The following PTPRD variants were observed in gnomAD, a reference collection of about 807,000 sequenced individuals.
PTPRD encodes the protein receptor-type tyrosine-protein phosphatase delta.
A neutral mutation model predicts 214.5 loss-of-function variants in PTPRD; 34 were observed. That is an observed-to-expected ratio of 0.16 (90% CI 0.12 to 0.21). The LOEUF (loss-of-function observed/expected upper bound fraction) is 0.21, where lower values mean the gene tolerates loss of function less well. Ranked by LOEUF, PTPRD falls within the 10% of genes least tolerant of loss-of-function variation. The pLI is 1.00. For missense variants in PTPRD, 2,545 were observed against 2,398.7 expected, an observed-to-expected ratio of 1.06 and a Z score of -1.27; for synonymous variants, 1,128 against 845.7, an observed-to-expected ratio of 1.33 and a Z score of -5.79.
chr9:10,524,108 CTCTT>C (rs1166305062), intron 2 of PTPRD, among the ~76,000 whole-genome samples: 1 of 151,994 alleles, frequency 6.6e-6, no homozygotes, highest in African/African-American at 2.4e-5. Flanking sequence ...CCCACACTCT[CTCTT>C]TCTTCCTCTT....
intron 4 of PTPRD, among the ~76,000 whole-genome samples, chr9:10,024,781 TC>T (rs1297781868): frequency 1.6e-4 from 10 of 61,736 alleles, no homozygotes; most frequent in East Asian, 1.1e-3. Context: ...CCCTCCCCCC[TC>T]CCCCCACCCC....
intron 11 of PTPRD, among the ~76,000 whole-genome samples, chr9:8,853,427 G>T (rs923503125): frequency 6.6e-6 from 1 of 152,050 alleles, no homozygotes; most frequent in Non-Finnish European, 1.5e-5. Flanking sequence ...TTTAAAAAAG[G>T]GAGAGAATTT....
At chr9:9,992,930 C>T (rs914898216) in intron 4 of PTPRD, among the ~76,000 whole-genome samples, 1 of 151,340 alleles carries the variant, frequency 6.6e-6, no homozygotes, top group Non-Finnish European at 1.5e-5. Context: ...GCACATGTAC[C>T]CTAGAACTTA....
intron 4 of PTPRD, among the ~76,000 whole-genome samples, chr9:10,010,325 G>A (rs1005409449): frequency 6.7e-6 from 1 of 148,252 alleles, no homozygotes; most frequent in African/African-American, 2.4e-5. Context: ...TAAGCAAGAT[G>A]TCTACAATTG....
intron 11 of PTPRD, among the ~76,000 whole-genome samples, chr9:9,011,043 C>A (rs1178829522): frequency 6.6e-6 from 1 of 152,030 alleles, no homozygotes; most frequent in Non-Finnish European, 1.5e-5. Flanking sequence ...ATTTAGATTG[C>A]CCTAGTTAAA....
At chr9:8,736,543 A>G (rs1002298261) in intron 11 of PTPRD, among the ~76,000 whole-genome samples, 1 of 152,230 alleles carries the variant, frequency 6.6e-6, no homozygotes, top group Non-Finnish European at 1.5e-5. Flanking sequence ...TATAATGCAG[A>G]TACCATAGTA....
intron 2 of PTPRD, among the ~76,000 whole-genome samples, chr9:10,601,304 A>C (rs949278165): frequency 6.6e-6 from 1 of 151,682 alleles, no homozygotes; most frequent in Non-Finnish European, 1.5e-5. Context: ...TGATTTAAAA[A>C]AAAAATGTTG....
chr9:8,455,581 G>A (rs927824869), intron 33 of PTPRD, among the ~76,000 whole-genome samples: 8 of 152,106 alleles, frequency 5.3e-5, no homozygotes, highest in Admixed American at 5.2e-4. Flanking sequence ...ATCTGGCCCT[G>A]TGAGATAATT....
intron 10 of PTPRD, among the ~76,000 whole-genome samples, chr9:9,169,526 C>A (rs1200748155): frequency 6.6e-6 from 1 of 152,086 alleles, no homozygotes; most frequent in Non-Finnish European, 1.5e-5. Context: ...ATGAGGTAGG[C>A]CCTGGCTATA....
intron 3 of PTPRD, among the ~76,000 whole-genome samples, chr9:10,037,111 G>A (rs142794952): frequency 3.3e-5 from 5 of 150,716 alleles, no homozygotes; most frequent in Admixed American, 6.6e-5. Flanking sequence ...GAATGGTCTC[G>A]GACTCCTGGA....
intron 14 of PTPRD, among the ~76,000 whole-genome samples, chr9:8,550,132 G>A (rs992174269): frequency 1.2e-4 from 18 of 152,042 alleles, no homozygotes; most frequent in African/African-American, 3.4e-4. Context: ...AAAATTTAGG[G>A]TCCAATTTAT....
chr9:8,520,462 G>A (rs2097865022), intron 20 of PTPRD, among the ~76,000 whole-genome samples: 1 of 152,132 alleles, frequency 6.6e-6, no homozygotes, highest in South Asian at 2.1e-4. Context: ...ACTTGCTGCT[G>A]AATTCCAAAT....
chr9:9,791,543 C>A (rs533224494), intron 5 of PTPRD, among the ~76,000 whole-genome samples: 1 of 152,090 alleles, frequency 6.6e-6, no homozygotes, highest in South Asian at 2.1e-4. Context: ...TGATAAGTTT[C>A]TCTATCAAGC....
intron 5 of PTPRD, among the ~76,000 whole-genome samples, chr9:9,926,372 T>A (rs2084310311): frequency 6.6e-6 from 1 of 152,126 alleles, no homozygotes; most frequent in African/African-American, 2.4e-5. Flanking sequence ...AATTTTTAGT[T>A]GTATTTGCCC....
chr9:9,123,608 T>A (rs1165509433), intron 10 of PTPRD, among the ~76,000 whole-genome samples: 1 of 152,140 alleles, frequency 6.6e-6, no homozygotes, highest in African/African-American at 2.4e-5. Context: ...GCCCATAGAC[T>A]GATAAAAACT....
chr9:9,518,642 A>G (rs1179519757), intron 8 of PTPRD, among the ~76,000 whole-genome samples: 2 of 152,080 alleles, frequency 1.3e-5, no homozygotes, highest in African/African-American at 4.8e-5. Flanking sequence ...AGGGCATTAA[A>G]TATTTTCCTC....
At chr9:9,338,575 T>G (rs1477117977) in intron 9 of PTPRD, among the ~76,000 whole-genome samples, 1 of 152,152 alleles carries the variant, frequency 6.6e-6, no homozygotes, top group Non-Finnish European at 1.5e-5. Flanking sequence ...ACCTAAAAAT[T>G]CCCAGCTAAA....
intron 7 of PTPRD, among the ~76,000 whole-genome samples, chr9:9,604,415 T>C (rs1399762321): frequency 6.6e-6 from 1 of 152,090 alleles, no homozygotes; most frequent in Admixed American, 6.6e-5. Flanking sequence ...AATTTATACA[T>C]AAAATAAGAG....
intron 11 of PTPRD, among the ~76,000 whole-genome samples, chr9:8,765,558 A>G (rs1408963606): frequency 1.3e-5 from 2 of 152,190 alleles, no homozygotes; most frequent in Admixed American, 1.3e-4. Flanking sequence ...CTACAAGCCA[A>G]TATTCCCCCA....
Sources: gnomAD v4.1 joint callset for allele counts (sites outside exome capture counted in the v4.1 genomes callset) on GRCh38, gnomAD v4.1.1 for gene constraint, MANE v1.5 for transcripts, NCBI Gene and HGNC (gene_info 2026-07-23, HGNC 2026-07-21) for gene names.